GFRAL: variants seen among roughly 807,000 people sequenced by gnomAD.
GFRAL encodes GDNF family receptor alpha-like.
A neutral mutation model predicts 45.4 loss-of-function variants in GFRAL; 36 were observed. That is an observed-to-expected ratio of 0.79 (90% confidence interval 0.61 to 1.05). GFRAL has a LOEUF of 1.05. GFRAL is among the 50% of genes least tolerant of loss of function. The probability of loss-of-function intolerance (pLI) is 0.00; values close to 1 mark genes in which losing one functional copy is unlikely to be tolerated. For missense variants in GFRAL, 507 were observed against 467.5 expected, an observed-to-expected ratio of 1.08 and a Z score of -0.78; for synonymous variants, 166 against 154.1, an observed-to-expected ratio of 1.08 and a Z score of -0.57.
intron 6 of GFRAL, among the ~76,000 whole-genome samples, chr6:55,380,404 G>T (rs1327530194): frequency 6.6e-6 from 1 of 151,876 alleles, no homozygotes; most frequent in Non-Finnish European, 1.5e-5. Context: ...CTCAAATCTG[G>T]CTAATCCTCA....
chr6:55,398,980 C>T (rs568873619), intron 6 of GFRAL, among the ~76,000 whole-genome samples, 200 bp from the exon 7 acceptor site: 54 of 151,984 alleles, frequency 3.6e-4, no homozygotes, highest in Non-Finnish European at 1.5e-4. Flanking sequence ...AAAGCTTATA[C>T]ACGGAAATTA....
chr6:55,340,228 T>C (rs1767944684), intron 3 of GFRAL, among the ~76,000 whole-genome samples: 1 of 152,136 alleles, frequency 6.6e-6, no homozygotes, highest in African/African-American at 2.4e-5. Flanking sequence ...CCACAGACCT[T>C]CTAATCATCA....
chr6:55,371,106 T>C (rs1159271298), intron 6 of GFRAL, among the ~76,000 whole-genome samples: 8 of 152,216 alleles, frequency 5.3e-5, no homozygotes, highest in Non-Finnish European at 1.2e-4. Flanking sequence ...TCCTGTCTTA[T>C]AATAAATTTT....
At position 55,399,267 on chromosome 6, in the gene GFRAL, C is replaced by T. The variant is rs778917843; in HGVS notation, c.1040C>T (p.Pro347Leu). 1.9e-6 allele frequency: 3 copies of T among 1,588,098 alleles called. No individual in the cohort carries two copies. Among genetic ancestry groups the T allele is most frequent in the South Asian group, 2.2e-5 (2 of 89,526 alleles). ...ATCACTTTAACTGGATTTCATTCCC[C>T]CTTCAATGGTCAGTTAAAAATCAAT... ...NKITLTGFHS[P>L]FNGEVIYAAM... The change falls in exon 7 of 9, where the codon CCC becomes CTC. Residue 347 changes from proline (P) to leucine (L), a missense_variant. Transcript: ENST00000340465.
chr6:55,398,980 CA>C (rs1561869559), intron 6 of GFRAL, among the ~76,000 whole-genome samples, 199 bp from the exon 7 acceptor site: 2 of 151,866 alleles, frequency 1.3e-5, no homozygotes, highest in African/African-American at 4.8e-5. Context: ...AAAGCTTATA[CA>C]CGGAAATTAC....
At chr6:55,344,645 C>T (rs1248925146) in intron 3 of GFRAL, among the ~76,000 whole-genome samples, 1 of 152,182 alleles carries the variant, frequency 6.6e-6, no homozygotes, top group Non-Finnish European at 1.5e-5. Flanking sequence ...CAGGGATGCC[C>T]TCTCTCACCA....
At chr6:55,372,053 G>A (rs975005246) in intron 6 of GFRAL, among the ~76,000 whole-genome samples, 2 of 152,188 alleles carry the variant, frequency 1.3e-5, no homozygotes, top group African/African-American at 4.8e-5. Flanking sequence ...ATCCATTTCA[G>A]AGGGCCTGGA....
At chr6:55,401,144 T>G (rs145988725) in intron 8 of GFRAL, among the ~76,000 whole-genome samples, 1,698 of 152,326 alleles carry the variant, frequency 0.011, 33 homozygotes, top group African/African-American at 0.038. Flanking sequence ...TGTTTTGAAT[T>G]TATTCTAATG....
At chr6:55,333,438 G>A (rs1362049755) in intron 2 of GFRAL, among the ~76,000 whole-genome samples, 4 of 152,034 alleles carry the variant, frequency 2.6e-5, no homozygotes, top group Non-Finnish European at 5.9e-5. Context: ...TGACAAAATA[G>A]CTAATAAAAT....
intron 6 of GFRAL, among the ~76,000 whole-genome samples, chr6:55,369,697 A>G (rs553607745): frequency 0.22 from 33 of 152 alleles, no homozygotes; most frequent in East Asian, 0.5. Flanking sequence ...TAGACACTGA[A>G]AAAAAAACAG....
intron 6 of GFRAL, among the ~76,000 whole-genome samples, chr6:55,361,764 C>T (rs1457884838): frequency 6.6e-6 from 1 of 152,034 alleles, no homozygotes; most frequent in Non-Finnish European, 1.5e-5. Flanking sequence ...CCCGACTTCT[C>T]ACATCAGCCT....
intron 6 of GFRAL, 63 bp from the exon 7 acceptor site, chr6:55,399,116 TA>T: frequency 1.2e-6 from 1 of 802,090 alleles, no homozygotes; most frequent in Non-Finnish European, 1.9e-6. Context: ...AAGCAAATTG[TA>T]ATCCATAAAA....
At chr6:55,372,812 C>T (rs949910553) in intron 6 of GFRAL, among the ~76,000 whole-genome samples, 8 of 152,076 alleles carry the variant, frequency 5.3e-5, no homozygotes, top group African/African-American at 1.9e-4. Flanking sequence ...AACAATTTAC[C>T]CTTCCTCTTA....
intron 5 of GFRAL, among the ~76,000 whole-genome samples, chr6:55,356,064 A>G (rs1768190384): frequency 6.6e-6 from 1 of 152,006 alleles, no homozygotes; most frequent in South Asian, 2.1e-4. Flanking sequence ...TTGTATCACT[A>G]GGATAAATCC....
At position 55,351,522 on chromosome 6, in the gene GFRAL, A is replaced by G. The variant is rs1393202533; in HGVS notation, c.640A>G (p.Met214Val). The G allele has an allele frequency of 6.2e-7, 1 of 1,612,120 alleles. No homozygotes were observed. The highest frequency in any genetic ancestry group is 2.2e-5 in the East Asian group (1 of 44,802). Residue 214 changes from methionine to valine, a missense_variant, in exon 5 of 9, where the codon ATG becomes GTG. Transcript: ENST00000340465. The stretch of plus-strand genomic sequence containing the variant: ...TCACAGCAAGACATGTGCAGTGAAC[A>G]TGGTTCCACCCCCTACTTGCCTCAG... ...ALHSKTCAVN[M>V]VPPPTCLSVI...
In GFRAL at chr6:55,363,398, C is replaced by G. The variant is rs1263960942; in HGVS notation, c.952+4260C>G. 6.6e-5 allele frequency among the ~76,000 whole-genome samples: 10 copies of G among 151,282 alleles called. No homozygotes were observed. The East Asian group carries it at 2.0e-3, about 30-fold the overall frequency. Reference sequence around the variant, plus strand: ...TAAACTTAAAAAATATATGGTAGACCCATTTCCAAGTATTTACATACATGG... The same window carrying G: ...TAAACTTAAAAAATATATGGTAGACGCATTTCCAAGTATTTACATACATGG... On this transcript the variant is annotated intron_variant, in intron 6 of 8. Transcript: ENST00000340465.
At chr6:55,366,434 A>T (rs1261262108) in intron 6 of GFRAL, among the ~76,000 whole-genome samples, 1 of 139,294 alleles carries the variant, frequency 7.2e-6, no homozygotes, top group African/African-American at 2.8e-5. Context: ...TTGTGTCTCT[A>T]TTTCCTTCAG....
chr6:55,398,101 G>A (rs1251033787), intron 6 of GFRAL, among the ~76,000 whole-genome samples: 2 of 152,068 alleles, frequency 1.3e-5, no homozygotes, highest in Non-Finnish European at 2.9e-5. Flanking sequence ...GCACAAAATC[G>A]ACTAAGCATG....
At chr6:55,400,371 A>G (rs572173975) in intron 8 of GFRAL, among the ~76,000 whole-genome samples, 5 of 152,246 alleles carry the variant, frequency 3.3e-5, no homozygotes, top group Middle Eastern at 3.4e-3. Context: ...ACCTTATGAC[A>G]TCTGACACCT....
Sources: allele counts gnomAD v4.1 joint callset (sites outside exome capture counted in the v4.1 genomes callset), GRCh38; gene constraint gnomAD v4.1.1; transcripts MANE v1.5; gene names NCBI Gene and HGNC (gene_info 2026-07-23, HGNC 2026-07-21).